Variants in DPP10 observed in about 807,000 individuals in gnomAD.
DPP10 encodes dipeptidyl peptidase like 10.
A neutral mutation model predicts 120.9 loss-of-function variants in DPP10; 33 were observed. That is an observed-to-expected ratio of 0.27 (90% CI 0.21 to 0.37). The LOEUF is 0.37. Ranked by LOEUF, DPP10 falls within the 10% of genes least tolerant of loss-of-function variation. The probability of loss-of-function intolerance (pLI) is 1.00; values close to 1 mark genes in which losing one functional copy is unlikely to be tolerated. For synonymous variants in DPP10, 337 were observed against 326.1 expected, an observed-to-expected ratio of 1.03 and a Z score of -0.36; for missense variants, 816 against 942.8, an observed-to-expected ratio of 0.87 and a Z score of 1.76.
chr2:115,423,438 T>C (rs1474335162), intron 3 of DPP10, among the ~76,000 whole-genome samples: 1 of 152,172 alleles, frequency 6.6e-6, no homozygotes, highest in Non-Finnish European at 1.5e-5. Context: ...GACAAAGCCA[T>C]GTTTTATATG....
intron 1 of DPP10, among the ~76,000 whole-genome samples, chr2:114,470,779 A>G (rs890074603): frequency 5.3e-5 from 8 of 152,256 alleles, no homozygotes; most frequent in African/African-American, 1.9e-4. Context: ...CCAAAGCCAG[A>G]GTATCTTACT....
chr2:114,965,098 G>C (rs563560106), intron 1 of DPP10, among the ~76,000 whole-genome samples: 1 of 152,094 alleles, frequency 6.6e-6, no homozygotes, highest in South Asian at 2.1e-4. Context: ...ATTCTAGGGA[G>C]GAGGAAGTGG....
intron 1 of DPP10, among the ~76,000 whole-genome samples, chr2:114,919,077 A>G (rs1253931570): frequency 1.4e-5 from 2 of 148,028 alleles, no homozygotes; most frequent in Non-Finnish European, 3.0e-5. Flanking sequence ...GGATTAAATG[A>G]GGGTTGGGGG....
chr2:115,785,450 G>A (rs186160112), intron 17 of DPP10, among the ~76,000 whole-genome samples: 51 of 152,186 alleles, frequency 3.4e-4, no homozygotes, highest in African/African-American at 1.2e-3. Flanking sequence ...ATTTGAATAT[G>A]GATCCATCTG....
chr2:115,517,673 A>G (rs1289784646), intron 4 of DPP10, among the ~76,000 whole-genome samples: 4 of 152,190 alleles, frequency 2.6e-5, no homozygotes, highest in African/African-American at 7.2e-5. Context: ...TTGGGAATTA[A>G]ATTTGTAATT....
At chr2:115,417,652 G>C (rs992326149) in intron 3 of DPP10, among the ~76,000 whole-genome samples, 1 of 152,094 alleles carries the variant, frequency 6.6e-6, no homozygotes, top group Non-Finnish European at 1.5e-5. Context: ...ATCACAGCTG[G>C]TAAGTGTCAA....
intron 5 of DPP10, among the ~76,000 whole-genome samples, chr2:115,545,634 G>A (rs1164695211): frequency 1.3e-5 from 2 of 152,140 alleles, no homozygotes; most frequent in African/African-American, 2.4e-5. Flanking sequence ...GAAATCAGAA[G>A]TTTAATTCAT....
intron 1 of DPP10, among the ~76,000 whole-genome samples, chr2:115,294,768 T>C (rs1189339468): frequency 6.6e-6 from 1 of 152,058 alleles, no homozygotes. Flanking sequence ...GCTTTTATGA[T>C]GCTAATAAGT....
At chr2:115,462,115 T>C (rs1045595232) in intron 3 of DPP10, among the ~76,000 whole-genome samples, 1 of 152,138 alleles carries the variant, frequency 6.6e-6, no homozygotes, top group African/African-American at 2.4e-5. Context: ...TCCCTGTTGT[T>C]CCTCACTAAC....
chr2:114,962,493 G>A (rs1056600567), intron 1 of DPP10, among the ~76,000 whole-genome samples: 2 of 152,026 alleles, frequency 1.3e-5, no homozygotes, highest in Non-Finnish European at 2.9e-5. Context: ...TTTTTTTCTT[G>A]TTTTATTTGC....
At chr2:115,723,631 T>C (rs890860463) in intron 7 of DPP10, among the ~76,000 whole-genome samples, 1 of 151,272 alleles carries the variant, frequency 6.6e-6, no homozygotes, top group African/African-American at 2.4e-5. Context: ...TGTTTTTTTT[T>C]TTTTTTACAC....
rs1481115199 is a variant in DPP10, at chr2:115,055,714, C to A, written c.61-253525C>A. On this transcript the variant is annotated intron_variant, in intron 1 of 25. Coordinates refer to ENST00000410059, the MANE Select transcript of DPP10 (RefSeq NM_020868.6). Reference sequence around the variant, plus strand: ...CACTGGTAGAACGGGCATCATTTGTCTGCCACCCAGTTCTAGAATGAAGAG... The same window carrying A: ...CACTGGTAGAACGGGCATCATTTGTATGCCACCCAGTTCTAGAATGAAGAG... 2.0e-5 allele frequency among the ~76,000 whole-genome samples: 3 copies of A among 152,160 alleles called. No homozygotes were observed. In the East Asian group the frequency reaches 5.8e-4, roughly 29 times the overall value.
chr2:115,510,012 A>G (rs2077142175), intron 4 of DPP10, among the ~76,000 whole-genome samples: 1 of 151,990 alleles, frequency 6.6e-6, no homozygotes. Context: ...TTTGTTGGAG[A>G]AATGTCTGTT....
chr2:115,332,578 C>T (rs565640310), intron 2 of DPP10, among the ~76,000 whole-genome samples: 2 of 152,204 alleles, frequency 1.3e-5, no homozygotes, highest in African/African-American at 2.4e-5. Flanking sequence ...ATGAATTTCC[C>T]GCTACACACT....
chr2:114,529,504 C>G (rs1246328246), intron 1 of DPP10, among the ~76,000 whole-genome samples: 3 of 152,170 alleles, frequency 2.0e-5, no homozygotes, highest in African/African-American at 7.2e-5. Flanking sequence ...ATTGTCATCT[C>G]TTGTCACAGT....
intron 1 of DPP10, among the ~76,000 whole-genome samples, chr2:115,266,183 C>T (rs1207103941): frequency 6.6e-6 from 1 of 152,060 alleles, no homozygotes; most frequent in Admixed American, 6.6e-5. Flanking sequence ...TTGGGAATTA[C>T]TGTGAGATAA....
intron 1 of DPP10, among the ~76,000 whole-genome samples, chr2:115,153,702 T>C (rs552719911): frequency 6.6e-6 from 1 of 152,362 alleles, no homozygotes; most frequent in South Asian, 2.1e-4. Flanking sequence ...TTACCTTTTT[T>C]GAAGTCCTCA....
intron 1 of DPP10, among the ~76,000 whole-genome samples, chr2:115,099,253 G>A (rs1194223712): frequency 1.3e-5 from 2 of 152,152 alleles, no homozygotes; most frequent in East Asian, 3.9e-4. Context: ...GGCGGAGGTT[G>A]CTGCGAGCCA....
chr2:115,134,883 AAAG>A (rs1395495503), intron 1 of DPP10, among the ~76,000 whole-genome samples: 2 of 152,190 alleles, frequency 1.3e-5, no homozygotes, highest in Admixed American at 6.6e-5. Context: ...ACATCAGATT[AAAG>A]AAGATTTCTG....
Sources: gnomAD v4.1 joint callset for allele counts (sites outside exome capture counted in the v4.1 genomes callset) on GRCh38, gnomAD v4.1.1 for gene constraint, MANE v1.5 for transcripts, NCBI Gene and HGNC (gene_info 2026-07-23, HGNC 2026-07-21) for gene names.